The following PTPRM variants were observed in gnomAD, a reference collection of about 807,000 sequenced individuals.
PTPRM encodes protein tyrosine phosphatase receptor type M.
Under a neutral mutation model 186.7 loss-of-function variants are expected in PTPRM, and 47 were observed. The ratio of observed to expected loss-of-function variants is 0.25; its 90% CI spans 0.20 to 0.32. The LOEUF (loss-of-function observed/expected upper bound fraction) is 0.32. PTPRM is among the 10% of genes least tolerant of loss of function. The pLI is 1.00. For missense variants in PTPRM, 1,494 were observed against 1,865.0 expected (o/e 0.80, Z 3.66); for synonymous variants, 668 against 674.9 (o/e 0.99, Z 0.16).
At chr18:8,013,713 A>G (rs749289137) in intron 7 of PTPRM, among the ~76,000 whole-genome samples, 17 of 152,214 alleles carry the variant, frequency 1.1e-4, no homozygotes, top group Non-Finnish European at 2.2e-4. Flanking sequence ...ACTGTGAAGG[A>G]GGAACGCCAT....
intron 5 of PTPRM, among the ~76,000 whole-genome samples, chr18:7,930,543 C>T (rs1169447664): frequency 2.0e-5 from 3 of 152,162 alleles, no homozygotes; most frequent in Admixed American, 1.3e-4. Context: ...GGCAATAATA[C>T]AACTCTGTTT....
At chr18:7,998,956 G>C (rs1315771494) in intron 7 of PTPRM, among the ~76,000 whole-genome samples, 2 of 152,160 alleles carry the variant, frequency 1.3e-5, no homozygotes, top group African/African-American at 2.4e-5. Context: ...TCCCTGGCCT[G>C]TATAGCATTA....
At position 8,389,601 on chromosome 18, in the gene PTPRM, T is replaced by C. The variant is rs9950404; in HGVS notation, c.4208+2366T>C. 5.6e-3 allele frequency among the ~76,000 whole-genome samples: 852 copies of C among 152,352 alleles called. 6 individuals are homozygous for C. The highest frequency in any genetic ancestry group is 0.019 in the African/African-American group (808 of 41,582). ...CTCCCTAAAGCCCCGCCTCTGTTCA[T>C]GTGGGGCTGTCTCTTGCTCTCTTAG... On this transcript the variant is annotated intron_variant, in intron 31 of 32. Transcript: ENST00000580170.
At chr18:7,674,187 G>T (rs951759702) in intron 1 of PTPRM, among the ~76,000 whole-genome samples, 4 of 152,164 alleles carry the variant, frequency 2.6e-5, no homozygotes, top group Non-Finnish European at 5.9e-5. Flanking sequence ...CACTGATGGT[G>T]GGTCCCACTC....
At chr18:8,034,277 C>A (rs1465288422) in intron 7 of PTPRM, among the ~76,000 whole-genome samples, 3 of 152,046 alleles carry the variant, frequency 2.0e-5, no homozygotes, top group Non-Finnish European at 4.4e-5. Context: ...AATACGTTCA[C>A]CCTATCCCAA....
chr18:7,997,711 G>C (rs1481958451), intron 7 of PTPRM, among the ~76,000 whole-genome samples: 1 of 152,090 alleles, frequency 6.6e-6, no homozygotes, highest in African/African-American at 2.4e-5. Context: ...TGAAAAATGA[G>C]CCAGTGACCT....
At chr18:8,156,478 A>G (rs1235854862) in intron 14 of PTPRM, among the ~76,000 whole-genome samples, 1 of 152,230 alleles carries the variant, frequency 6.6e-6, no homozygotes, top group Non-Finnish European at 1.5e-5. Flanking sequence ...TGTGTACTGC[A>G]TAGGGGATGC....
chr18:8,185,897 C>T (rs2093635403), intron 14 of PTPRM, among the ~76,000 whole-genome samples: 1 of 152,168 alleles, frequency 6.6e-6, no homozygotes. Context: ...AATGTTGCCC[C>T]TTACCTCCTC....
Position 8,253,400 on chromosome 18 carries a change from AAGG to A in PTPRM, c.2745_2747del (p.Glu916del). 1 of 1,530,076 alleles carries A rather than the reference AAGG, an allele frequency of 6.5e-7. No homozygotes were observed. Among genetic ancestry groups the A allele is most frequent in the Non-Finnish European group, 8.8e-7 (1 of 1,138,316 alleles). 94.8% of individuals were successfully genotyped at this position (1,530,076 alleles called of 1,614,324 possible). On this transcript the variant is annotated inframe_deletion, in exon 19 of 33. Coordinates refer to ENST00000580170, the MANE Select transcript of PTPRM (RefSeq NM_001105244.2). ...GAAGTGTGCGGAGGGCTACGGCTTC[AAGG>A]AGGAATACGAGGTGAGCACAAGCTC...
At chr18:8,202,772 A>G (rs2093875638) in intron 14 of PTPRM, among the ~76,000 whole-genome samples, 1 of 151,960 alleles carries the variant, frequency 6.6e-6, no homozygotes, top group Non-Finnish European at 1.5e-5. Flanking sequence ...CTCTGTCTCG[A>G]TTGTCCTGTT....
chr18:7,567,835 C>T lies in PTPRM; in HGVS notation c.17C>T (p.Thr6Ile), dbSNP rs771185993. Residue 6 changes from threonine (T) to isoleucine (I), a missense_variant, in exon 1 of 33, where the codon ACT (threonine) becomes ATT (isoleucine). Thr to Ile is a moderately conservative substitution (Grantham distance 89, BLOSUM62 -1). Transcript: ENST00000580170. This position sits in a 1 kb window ranked among gnomAD's most constrained non-coding sequence, Gnocchi z 4.3. Reference sequence around the variant, plus strand: ...CTCAGCACCATGAGGGGACTTGGGACTTGCCTGGCGACTTTGGCCGGACTT... The same window carrying T: ...CTCAGCACCATGAGGGGACTTGGGATTTGCCTGGCGACTTTGGCCGGACTT... MRGLG[T>I]CLATLAGLLL... The T allele has an allele frequency of 1.3e-6, 2 of 1,563,558 alleles. No homozygotes were observed. Among genetic ancestry groups the T allele is most frequent in the Non-Finnish European group, 1.7e-6 (2 of 1,158,656 alleles).
chr18:8,055,667 T>C (rs559682343), intron 7 of PTPRM, among the ~76,000 whole-genome samples: 9 of 152,334 alleles, frequency 5.9e-5, no homozygotes, highest in African/African-American at 2.2e-4. Flanking sequence ...GGCATCTTGT[T>C]TTCTGTTATT....
intron 2 of PTPRM, among the ~76,000 whole-genome samples, chr18:7,865,941 A>T (rs2047666779): frequency 6.6e-6 from 1 of 151,960 alleles, no homozygotes; most frequent in African/African-American, 2.4e-5. Context: ...TAATTTATCC[A>T]TTTCTTCTAG....
At chr18:7,603,655 CT>C (rs1301413905) in intron 1 of PTPRM, among the ~76,000 whole-genome samples, 2 of 152,260 alleles carry the variant, frequency 1.3e-5, no homozygotes, top group African/African-American at 4.8e-5. Context: ...CTCCAACTTC[CT>C]TTCTGTAATG....
intron 14 of PTPRM, among the ~76,000 whole-genome samples, chr18:8,218,837 A>G (rs2094120267): frequency 6.6e-6 from 1 of 152,208 alleles, no homozygotes; most frequent in Non-Finnish European, 1.5e-5. Context: ...AGTTGAATTT[A>G]GGTTCTTTGG....
chr18:7,579,290 A>C (rs1023817868), intron 1 of PTPRM, among the ~76,000 whole-genome samples: 1 of 152,218 alleles, frequency 6.6e-6, no homozygotes. Flanking sequence ...AGACCTACAG[A>C]GTCAGAAACT....
At chr18:7,742,160 A>C (rs1232913827) in intron 1 of PTPRM, among the ~76,000 whole-genome samples, 1 of 152,222 alleles carries the variant, frequency 6.6e-6, no homozygotes, top group East Asian at 1.9e-4. Flanking sequence ...CAGTGTAAGA[A>C]ATTCTATGTA....
intron 3 of PTPRM, among the ~76,000 whole-genome samples, chr18:7,891,079 C>T (rs2049049235): frequency 6.6e-6 from 1 of 150,734 alleles, no homozygotes; most frequent in African/African-American, 2.5e-5. Flanking sequence ...GAGTTTAAGA[C>T]CAGCCTGGGC....
At chr18:7,684,129 C>T (rs770181199) in intron 1 of PTPRM, among the ~76,000 whole-genome samples, 1 of 151,774 alleles carries the variant, frequency 6.6e-6, no homozygotes, top group African/African-American at 2.4e-5. Context: ...TTAGAATCTC[C>T]TATTCTGTTT....
Sources: allele counts gnomAD v4.1 joint callset (sites outside exome capture counted in the v4.1 genomes callset), GRCh38; gene constraint gnomAD v4.1.1; non-coding constraint Gnocchi (gnomAD v3.1); transcripts MANE v1.5; gene names NCBI Gene and HGNC (gene_info 2026-07-23, HGNC 2026-07-21).